PCDH9: variants seen among roughly 807,000 people sequenced by gnomAD.
PCDH9 encodes protocadherin-9.
In PCDH9, 24 loss-of-function variants were observed where a neutral mutation model predicts 70.6. The observed-to-expected ratio is 0.34, with a 90% confidence interval of 0.25 to 0.48. PCDH9 has a LOEUF of 0.48. PCDH9 is among the 20% of genes least tolerant of loss of function. PCDH9 has a pLI of 0.99. For missense variants in PCDH9, 1,281 were observed against 1,503.6 expected, an observed-to-expected ratio of 0.85 and a Z score of 2.45; for synonymous variants, 562 against 558.5, an observed-to-expected ratio of 1.01 and a Z score of -0.09.
At chr13:67,006,845 C>T (rs374572414) in intron 2 of PCDH9, among the ~76,000 whole-genome samples, 5 of 151,972 alleles carry the variant, frequency 3.3e-5, no homozygotes, top group African/African-American at 1.2e-4. Flanking sequence ...ATAATGACTT[C>T]ATTACAATTT....
At chr13:66,743,988 T>C (rs925375992) in intron 3 of PCDH9, among the ~76,000 whole-genome samples, 19 of 151,384 alleles carry the variant, frequency 1.3e-4, no homozygotes, top group Non-Finnish European at 2.4e-4. Context: ...AAAATGTAAA[T>C]GGGAAAGGGC....
At chr13:66,355,828 A>G (rs1440095690) in intron 4 of PCDH9, among the ~76,000 whole-genome samples, 1 of 152,156 alleles carries the variant, frequency 6.6e-6, no homozygotes, top group African/African-American at 2.4e-5. Context: ...GAGACTTTAT[A>G]GAACATAACT....
chr13:66,585,286 T>G (rs2076947702), intron 4 of PCDH9, among the ~76,000 whole-genome samples: 1 of 152,172 alleles, frequency 6.6e-6, no homozygotes, highest in East Asian at 1.9e-4. Flanking sequence ...TTGTACTATA[T>G]AAAGTTTTGA....
chr13:66,541,178 G>A (rs1960937891), intron 4 of PCDH9, among the ~76,000 whole-genome samples: 2 of 152,238 alleles, frequency 1.3e-5, no homozygotes, highest in South Asian at 4.2e-4. Context: ...CTGAAGGGAA[G>A]TTGCAAAATG....
chr13:66,810,005 A>G (rs1203435656), intron 3 of PCDH9, among the ~76,000 whole-genome samples: 6 of 152,176 alleles, frequency 3.9e-5, no homozygotes, highest in African/African-American at 1.2e-4. Flanking sequence ...AAATGCTCAG[A>G]GAAAAAAAAT....
intron 3 of PCDH9, among the ~76,000 whole-genome samples, chr13:66,900,017 C>G (rs2082251618): frequency 1.3e-5 from 2 of 152,072 alleles, no homozygotes; most frequent in East Asian, 3.9e-4. Flanking sequence ...CACTAGCTAG[C>G]TCTGAGAGGT....
At chr13:66,367,557 A>T (rs960646588) in intron 4 of PCDH9, among the ~76,000 whole-genome samples, 5 of 152,148 alleles carry the variant, frequency 3.3e-5, no homozygotes, top group African/African-American at 1.2e-4. Flanking sequence ...TCACATCAAG[A>T]CTGAAAAATT....
intron 2 of PCDH9, among the ~76,000 whole-genome samples, chr13:67,156,304 A>C (rs1262289168): frequency 6.6e-6 from 1 of 152,158 alleles, no homozygotes; most frequent in African/African-American, 2.4e-5. Context: ...AGATAGAGGC[A>C]GGGGGATGTC....
intron 4 of PCDH9, among the ~76,000 whole-genome samples, chr13:66,313,979 A>G (rs1036532669): frequency 6.6e-6 from 1 of 152,242 alleles, no homozygotes; most frequent in African/African-American, 2.4e-5. Flanking sequence ...CTGTAGGTAT[A>G]CGCGTGTGTA....
chr13:66,900,881 A>T (rs2082265924), intron 3 of PCDH9, among the ~76,000 whole-genome samples: 1 of 151,782 alleles, frequency 6.6e-6, no homozygotes, highest in African/African-American at 2.4e-5. Flanking sequence ...GTGAAAAAAT[A>T]AAAATTAGGA....
intron 4 of PCDH9, among the ~76,000 whole-genome samples, chr13:66,477,617 C>T (rs183221674): frequency 6.6e-6 from 1 of 152,142 alleles, no homozygotes; most frequent in East Asian, 1.9e-4. Flanking sequence ...GATAATAATA[C>T]CTAACTCTGA....
chr13:66,705,790 G>C (rs1393362801), intron 3 of PCDH9, among the ~76,000 whole-genome samples: 4 of 152,090 alleles, frequency 2.6e-5, no homozygotes, highest in African/African-American at 7.2e-5. Flanking sequence ...CTTTACTAGG[G>C]TTTTAATTCA....
At chr13:66,619,967 C>T (rs1283565256) in intron 4 of PCDH9, among the ~76,000 whole-genome samples, 2 of 152,126 alleles carry the variant, frequency 1.3e-5, no homozygotes, top group Non-Finnish European at 2.9e-5. Context: ...AATTTTCAAT[C>T]ACATTTCTAG....
intron 2 of PCDH9, among the ~76,000 whole-genome samples, chr13:66,968,085 C>A (rs1383514522): frequency 6.6e-6 from 1 of 152,014 alleles, no homozygotes; most frequent in African/African-American, 2.4e-5. Context: ...TCCAAATTTA[C>A]CTGCTTATAT....
intron 4 of PCDH9, among the ~76,000 whole-genome samples, chr13:66,533,932 T>A (rs1324760656): frequency 6.6e-6 from 1 of 152,162 alleles, no homozygotes; most frequent in Non-Finnish European, 1.5e-5. Flanking sequence ...TTGTTCTTTC[T>A]ATGTCTTTAG....
intron 3 of PCDH9, among the ~76,000 whole-genome samples, chr13:66,663,524 G>A (rs1210859793): frequency 6.6e-6 from 1 of 152,092 alleles, no homozygotes; most frequent in Non-Finnish European, 1.5e-5. Context: ...TTCTAACATA[G>A]AAAAGTGACC....
At chr13:66,588,629 A>C (rs1455143648) in intron 4 of PCDH9, among the ~76,000 whole-genome samples, 1 of 151,854 alleles carries the variant, frequency 6.6e-6, no homozygotes, top group Admixed American at 6.6e-5. Context: ...TTTCCCTACA[A>C]TCTATTATAC....
intron 4 of PCDH9, among the ~76,000 whole-genome samples, chr13:66,373,336 TG>T (rs781426015): frequency 2.0e-5 from 3 of 151,820 alleles, no homozygotes; most frequent in African/African-American, 7.3e-5. Context: ...GGTGGCGGGT[TG>T]GGGGGTGAAT....
chr13:66,525,737 T>C (rs1045791266), intron 4 of PCDH9, among the ~76,000 whole-genome samples: 1 of 152,144 alleles, frequency 6.6e-6, no homozygotes, highest in East Asian at 1.9e-4. Context: ...TACATTCTAG[T>C]GCACTTCAGC....
Sources: allele counts gnomAD v4.1 joint callset (sites outside exome capture counted in the v4.1 genomes callset), GRCh38; gene constraint gnomAD v4.1.1; transcripts MANE v1.5; gene names NCBI Gene and HGNC (gene_info 2026-07-23, HGNC 2026-07-21).